EGFR: variants seen among roughly 807,000 people sequenced by gnomAD.
EGFR encodes the protein avian erythroblastic leukemia viral (v-erb-b) oncogene homolog.
EGFR carries 58 observed loss-of-function variants against 143.0 expected under a neutral mutation model. The ratio of observed to expected loss-of-function variants is 0.41; its 90% confidence interval spans 0.33 to 0.50. EGFR has a LOEUF of 0.50. EGFR is among the 20% of genes least tolerant of loss of function. The probability of loss-of-function intolerance (pLI) is 0.39; values close to 1 mark genes in which losing one functional copy is unlikely to be tolerated. For missense variants in EGFR, 1,307 were observed against 1,579.0 expected, an observed-to-expected ratio of 0.83 and a Z score of 2.92; for synonymous variants, 613 against 594.4, an observed-to-expected ratio of 1.03 and a Z score of -0.45.
chr7:55,036,489 C>T (rs1483463543), intron 1 of EGFR, among the ~76,000 whole-genome samples: 1 of 152,052 alleles, frequency 6.6e-6, no homozygotes, highest in Non-Finnish European at 1.5e-5. Flanking sequence ...GTACATTTTC[C>T]TATGTGTATA....
chr7:55,156,059 A>G, intron 8 of EGFR, 113 bp downstream of exon 8: 1 of 793,394 alleles, frequency 1.3e-6, no homozygotes. Context: ...ACAACTATAC[A>G]TATCGTTTCT....
chr7:55,146,120 T>C (rs1283992416), intron 3 of EGFR, among the ~76,000 whole-genome samples: 1 of 152,086 alleles, frequency 6.6e-6, no homozygotes, highest in Non-Finnish European at 1.5e-5. Flanking sequence ...TTGTTTCGTG[T>C]CACTCTCATA....
chr7:55,033,402 G>T (rs1343001116), intron 1 of EGFR, among the ~76,000 whole-genome samples: 1 of 152,188 alleles, frequency 6.6e-6, no homozygotes, highest in Non-Finnish European at 1.5e-5. Context: ...TCTGCCATAT[G>T]CCCTGGCCTT....
At position 55,191,837 on chromosome 7, in the gene EGFR, G is replaced by A. The variant is rs909797662; in HGVS notation, c.2588G>A (p.Gly863Asp). 2 of 1,614,086 alleles carry A rather than the reference G, an allele frequency of 1.2e-6. No individual in the cohort carries two copies. The highest frequency in any genetic ancestry group is 1.1e-5 in the South Asian group (1 of 91,086). Residue 863 changes from glycine to aspartate, a missense_variant, in exon 21 of 28, where the codon GGT becomes GAT. Transcript: ENST00000275493. ...ITDFGLAKLL[G>D]AEEKEYHAEG... ...GATTTTGGGCTGGCCAAACTGCTGGGTGCGGAAGAGAAAGAATACCATGCA... is the reference window on the plus strand; with the variant it reads ...GATTTTGGGCTGGCCAAACTGCTGGATGCGGAAGAGAAAGAATACCATGCA...
intron 1 of EGFR, among the ~76,000 whole-genome samples, chr7:55,055,058 TG>T (rs1788726030): frequency 6.6e-6 from 1 of 152,324 alleles, no homozygotes; most frequent in African/African-American, 2.4e-5. Flanking sequence ...ATTTCCCCGA[TG>T]GGGGGTTTCC....
At chr7:55,143,578 C>T (rs774627257) in intron 3 of EGFR, 90 bp downstream of exon 3, 8 of 1,443,106 alleles carry the variant, frequency 5.5e-6, no homozygotes, top group East Asian at 2.3e-5. Flanking sequence ...AATTCCACCT[C>T]GGAGAAGGCT....
At chr7:55,191,024 A>G (rs1787371419) in intron 20 of EGFR, among the ~76,000 whole-genome samples, 2 of 152,142 alleles carry the variant, frequency 1.3e-5, no homozygotes, top group South Asian at 2.1e-4. Context: ...GGGTCAGGGT[A>G]GCATTTCTAG....
chr7:55,171,057 T>A, intron 15 of EGFR, 118 bp from the exon 16 acceptor site: 1 of 1,536,556 alleles, frequency 6.5e-7, no homozygotes, highest in Non-Finnish European at 8.7e-7. Flanking sequence ...ACATAGTGAT[T>A]TTAATTATTT....
rs766347941 is a variant in EGFR at position 55,205,470 on chromosome 7, C to G, written c.3486C>G (p.Ser1162Arg). The change falls in exon 28 of 28, where the codon AGC (serine) becomes AGG (arginine). Residue 1162 changes from serine to arginine, a missense_variant. Ser to Arg is a moderately radical substitution (Grantham distance 110). Transcript: ENST00000275493. Reference protein sequence around the residue: ...DSPAHWAQKGSHQISLDNPDY... With the variant: ...DSPAHWAQKGRHQISLDNPDY... ...CTGCCCACTGGGCCCAGAAAGGCAG[C>G]CACCAAATTAGCCTGGACAACCCTG... The G allele has an allele frequency of 5.0e-6, 8 of 1,614,050 alleles. No homozygotes were observed. The highest frequency in any genetic ancestry group is 6.8e-6 in the Non-Finnish European group (8 of 1,180,042).
At chr7:55,152,239 T>C in intron 5 of EGFR, 3 of 530,948 alleles carry the variant, frequency 5.7e-6, no homozygotes, top group South Asian at 3.1e-5. Flanking sequence ...TTCTAAACAC[T>C]ACTTCCCAGC....
intron 1 of EGFR, among the ~76,000 whole-genome samples, chr7:55,033,431 G>A (rs905054520): frequency 6.6e-6 from 1 of 152,168 alleles, no homozygotes; most frequent in African/African-American, 2.4e-5. Context: ...GGCCCCCTGG[G>A]GACTGCAGGG....
chr7:55,156,925 A>C (rs924493147), intron 10 of EGFR, 93 bp downstream of exon 10: 19 of 1,586,992 alleles, frequency 1.2e-5, no homozygotes, highest in South Asian at 2.3e-5. Flanking sequence ...TGGAATAAAA[A>C]CATTTCTTCT....
intron 24 of EGFR, 121 bp downstream of exon 24, chr7:55,200,534 C>T (rs2128970284): frequency 9.9e-7 from 1 of 1,011,072 alleles, no homozygotes; most frequent in African/African-American, 1.6e-5. Context: ...ATTAAACCCT[C>T]CAGCGCATTA....
chr7:55,039,847 C>T (rs1315995269), intron 1 of EGFR, among the ~76,000 whole-genome samples: 2 of 152,262 alleles, frequency 1.3e-5, no homozygotes, highest in African/African-American at 2.4e-5. Flanking sequence ...AATGAGGGAG[C>T]GCTGGGGAGA....
intron 15 of EGFR, chr7:55,170,363 G>T (rs771274615): frequency 6.2e-7 from 1 of 1,614,212 alleles, no homozygotes; most frequent in Non-Finnish European, 8.5e-7. Flanking sequence ...CTATCATCCT[G>T]TAATCAAAGT....
rs397517125 is a variant in EGFR, at chr7:55,181,473, G to A, written c.2464G>A (p.Ala822Thr). 33 of 1,614,072 alleles carry A rather than the reference G, an allele frequency of 2.0e-5. No homozygotes were observed. Among genetic ancestry groups the A allele is most frequent in the Middle Eastern group, 1.6e-4 (1 of 6,084 alleles). The change falls in exon 20 of 28, where the codon GCA becomes ACA. Residue 822 changes from alanine to threonine, a missense_variant. Around this residue, in one of 7 missense-constraint regions of EGFR, gnomAD observed 348 missense variants for 451.5 expected, o/e 0.77. Transcript: ENST00000275493. ...CCTGCTCAACTGGTGTGTGCAGATCGCAAAGGTAATCAGGGAAGGGAGATA... is the reference window on the plus strand; with the variant it reads ...CCTGCTCAACTGGTGTGTGCAGATCACAAAGGTAATCAGGGAAGGGAGATA... ...QYLLNWCVQI[A>T]KGMNYLEDRR...
At chr7:55,030,571 A>G (rs1230291706) in intron 1 of EGFR, among the ~76,000 whole-genome samples, 3 of 152,222 alleles carry the variant, frequency 2.0e-5, no homozygotes, top group African/African-American at 7.2e-5. Context: ...TTGCAGAAAA[A>G]AAATGAAAGG....
chr7:55,175,944 T>TA (rs1036238175), intron 19 of EGFR, among the ~76,000 whole-genome samples: 3 of 152,190 alleles, frequency 2.0e-5, no homozygotes, highest in African/African-American at 4.8e-5. Context: ...TATAATACAA[T>TA]AAAAAATCTG....
intron 20 of EGFR, among the ~76,000 whole-genome samples, chr7:55,184,188 C>T (rs1388583426): frequency 1.3e-5 from 2 of 152,334 alleles, no homozygotes; most frequent in East Asian, 1.9e-4. Flanking sequence ...TGAGCCCCTT[C>T]GCATCGCCCA....
Sources: gnomAD v4.1 joint callset for allele counts (sites outside exome capture counted in the v4.1 genomes callset) on GRCh38, gnomAD v4.1.1 for gene constraint, gnomAD v4.1.1 regional missense constraint, MANE v1.5 for transcripts, NCBI Gene and HGNC (gene_info 2026-07-23, HGNC 2026-07-21) for gene names.